The following ABCB8 variants were observed in gnomAD, a reference collection of about 807,000 sequenced individuals.
ABCB8 encodes the protein mitochondrial potassium channel ATP-binding subunit.
Under a neutral mutation model 73.0 loss-of-function variants are expected in ABCB8, and 52 were observed. The observed-to-expected ratio is 0.71, with a 90% confidence interval of 0.57 to 0.90. The LOEUF (loss-of-function observed/expected upper bound fraction) is 0.90, where lower values mean the gene tolerates loss of function less well. ABCB8 is among the 40% of genes least tolerant of loss of function. The pLI is 0.00. For synonymous variants in ABCB8, 428 were observed against 423.5 expected, an observed-to-expected ratio of 1.01 and a Z score of -0.13; for missense variants, 909 against 974.6, an observed-to-expected ratio of 0.93 and a Z score of 0.90.
intron 14 of ABCB8, 56 bp downstream of exon 14, chr7:151,042,164 C>T (rs1796486284): frequency 6.2e-7 from 1 of 1,600,596 alleles, no homozygotes; most frequent in Non-Finnish European, 8.5e-7. Context: ...CACAGGATTC[C>T]ACAGGAGCAG....
intron 8 of ABCB8, 46 bp downstream of exon 8, chr7:151,036,216 A>C (rs781358894): frequency 6.5e-7 from 1 of 1,541,942 alleles, no homozygotes; most frequent in Non-Finnish European, 8.8e-7. Flanking sequence ...TGGGCTGGGG[A>C]GGAGCTGGGA....
At chr7:151,044,472 G>A (rs1796561900) in intron 15 of ABCB8, among the ~76,000 whole-genome samples, 1 of 152,112 alleles carries the variant, frequency 6.6e-6, no homozygotes, top group South Asian at 2.1e-4. Flanking sequence ...GGATCAAAAG[G>A]AAAAGTACTA....
rs761678863 is a variant in ABCB8, at chr7:151,045,238, A to AGGCG, written c.2050_2053dup (p.Leu685ArgfsTer41). 3 of 1,593,478 alleles carry AGGCG rather than the reference A, an allele frequency of 1.9e-6. No homozygotes were observed. The highest frequency in any genetic ancestry group is 2.6e-6 in the Non-Finnish European group (3 of 1,169,024). ...GGACACATGAAGAGCTCCTGAAGAA[A>AGGCG]GGCGGGCTATACGCCGAGCTCATCC... is the stretch of plus-strand genomic sequence containing the variant. On this transcript the variant is annotated frameshift_variant, in exon 16 of 16. Coordinates refer to ENST00000358849, the MANE Select transcript of ABCB8 (RefSeq NM_007188.5). LOFTEE classifies it low-confidence loss of function (END_TRUNC).
chr7:151,037,560 T>C (rs770665272), intron 9 of ABCB8: 33 of 548,326 alleles, frequency 6.0e-5, no homozygotes, highest in Non-Finnish European at 1.1e-4. Context: ...TGGTAAATAA[T>C]GAGATAGTAA....
Position 151,040,855 on chromosome 7 carries a change from G to C in ABCB8, c.1416G>C (p.Val472=). ...FSYPCRPGFE[V]LKDFTLTLPP... ...ACCCCTGCCGCCCCGGCTTCGAGGT[G>C]CTGAAAGACTTCACCCTGACGCTGC... The change falls in exon 12 of 16, where the codon GTG becomes GTC. Residue 472 remains valine (V), a synonymous_variant. Transcript: ENST00000358849. The C allele has an allele frequency of 1.2e-6, 2 of 1,602,222 alleles. No individual in the cohort carries two copies. Among genetic ancestry groups the C allele is most frequent in the East Asian group, 4.5e-5 (2 of 44,264 alleles).
chr7:151,031,518 C>G, intron 1 of ABCB8: 1 of 491,488 alleles, frequency 2.0e-6, no homozygotes. Flanking sequence ...TTAAACCTTT[C>G]CCCATCAGTA....
chr7:151,033,748 G>T lies in ABCB8; in HGVS notation c.239G>T (p.Gly80Val), dbSNP rs1796227739. Residue 80 changes from glycine to valine, a missense_variant, in exon 2 of 16, where the codon GGC (glycine) becomes GTC (valine). Gly to Val is a moderately radical substitution (Grantham distance 109). Coordinates refer to ENST00000358849, the MANE Select transcript of ABCB8 (RefSeq NM_007188.5). Reference protein sequence around the residue: ...AWCWVGGALLGPMVLSKHPHL... With the variant: ...AWCWVGGALLVPMVLSKHPHL... ...TGCTGGGTTGGGGGAGCCCTGCTAG[G>T]CCCCATGGTACTGAGTAAGCATCCC... is the stretch of plus-strand genomic sequence containing the variant. The T allele has an allele frequency of 6.2e-7, 1 of 1,613,866 alleles. No individual in the cohort carries two copies.
chr7:151,031,867 G>T (rs1796174120), intron 1 of ABCB8, among the ~76,000 whole-genome samples: 1 of 152,142 alleles, frequency 6.6e-6, no homozygotes, highest in Admixed American at 6.5e-5. Flanking sequence ...ACCCGCCTCA[G>T]CCTCCCAAAG....
rs763803752 is a variant in ABCB8, at chr7:151,034,565, G to T, written c.625G>T (p.Asp209Tyr). ...CCACGTTGGCGAGCGCATGGCTGTG[G>T]ACATGCGGAGGGCCCTCTTCAGCTC... The part of the protein sequence containing the change: ...LSHVGERMAV[D>Y]MRRALFSSLL... The change falls in exon 4 of 16, where the codon GAC becomes TAC. Residue 209 changes from aspartate (D) to tyrosine (Y), a missense_variant. By Grantham distance (160) the Asp-to-Tyr change is radical (BLOSUM62 -3). Transcript: ENST00000358849. The T allele has an allele frequency of 1.2e-6, 2 of 1,613,678 alleles. No homozygotes were observed. Among genetic ancestry groups the T allele is most frequent in the Admixed American group, 3.3e-5 (2 of 60,026 alleles).
rs754202586 is a variant in ABCB8, at chr7:151,045,390, T to G, written c.*41T>G. 6.8e-7 allele frequency: 1 copy of G among 1,467,062 alleles called. No individual in the cohort carries two copies. The highest frequency in any genetic ancestry group is 1.4e-5 in the South Asian group (1 of 70,242). 90.9% of individuals were successfully genotyped at this position (1,467,062 alleles called of 1,614,324 possible). On this transcript the variant is annotated 3_prime_UTR_variant, in exon 16 of 16. Transcript: ENST00000358849. ...GTGTGGTCGCTGCCAAGCATCAGTG[T>G]TAGGGCTGGGGCTCAGCCTGGGGGA...
At chr7:151,034,972 GGT>G in intron 5 of ABCB8, 143 bp downstream of exon 5, 1 of 707,946 alleles carries the variant, frequency 1.4e-6, no homozygotes. Flanking sequence ...TGAGGGCATG[GGT>G]GAGGGACCAT....
At position 151,040,480 on chromosome 7, in the gene ABCB8, T is replaced by A. The variant is rs1387384481; in HGVS notation, c.1252-18T>A. ...CCCTACTCCTGCCTCCCTGCGGACT[T>A]TGGATCCCCTCCCACAGGTGGTCCG... is the stretch of plus-strand genomic sequence containing the variant. On this transcript the variant is annotated intron_variant, in intron 10 of 15. Transcript: ENST00000358849. 1 of 1,602,754 alleles carries A rather than the reference T, an allele frequency of 6.2e-7. No homozygotes were observed. Among genetic ancestry groups the A allele is most frequent in the Non-Finnish European group, 8.5e-7 (1 of 1,172,600 alleles).
intron 1 of ABCB8, among the ~76,000 whole-genome samples, chr7:151,031,043 G>A (rs1796147972): frequency 6.6e-6 from 1 of 152,208 alleles, no homozygotes; most frequent in African/African-American, 2.4e-5. Context: ...ATTGTACTGG[G>A]TTGCAAGTAA....
intron 9 of ABCB8, chr7:151,039,942 C>T (rs1011426554): frequency 3.1e-6 from 1 of 327,088 alleles, no homozygotes; most frequent in Non-Finnish European, 5.7e-6. Flanking sequence ...ACAGGCCTCA[C>T]CCTGCAGACC....
chr7:151,044,281 C>T (rs1374157982), intron 15 of ABCB8, 60 bp downstream of exon 15: 4 of 1,564,858 alleles, frequency 2.6e-6, no homozygotes, highest in Non-Finnish European at 3.5e-6. Context: ...CGGACAGTGG[C>T]ACAATGCTGC....
rs529104149 is a variant in ABCB8 at position 151,041,368 on chromosome 7, C to T, written c.1617+136C>T. 2.9e-5 allele frequency: 36 copies of T among 1,230,228 alleles called. No individual in the cohort carries two copies. In the East Asian group the frequency reaches 9.3e-4, roughly 32 times the overall value. 76.2% of individuals were successfully genotyped at this position (1,230,228 alleles called of 1,614,324 possible). A position where few individuals can be genotyped will look rare whatever the true frequency, so the allele number is the denominator to read the frequency against. ...TCTCGGGAGACCCTGGCCGTCTTCA[C>T]ATGTCCTCAGCTGTTGTCTGGGTGA... On this transcript the variant is annotated intron_variant, in intron 13 of 15. Coordinates refer to ENST00000358849, the MANE Select transcript of ABCB8 (RefSeq NM_007188.5).
In ABCB8 at chr7:151,044,869, C is replaced by T. The variant is rs140033039; in HGVS notation, c.2017-340C>T. Reference sequence around the variant, plus strand: ...TGTGCAGGGAGTCAGGAGTAGGACCCCAGAGGCCGTGTGGCGTTGGCTAAC... The same window carrying T: ...TGTGCAGGGAGTCAGGAGTAGGACCTCAGAGGCCGTGTGGCGTTGGCTAAC... On this transcript the variant is annotated intron_variant, in intron 15 of 15. Coordinates refer to ENST00000358849, the MANE Select transcript of ABCB8 (RefSeq NM_007188.5). 4.5e-4 allele frequency among the ~76,000 whole-genome samples: 68 copies of T among 152,312 alleles called. No homozygotes were observed. The South Asian group carries it at 5.6e-3, about 13-fold the overall frequency.
In ABCB8 at chr7:151,034,845, G is replaced by GC. The variant is rs1023870974; in HGVS notation, c.765+21dup. On this transcript the variant is annotated intron_variant, in intron 5 of 15. Coordinates refer to ENST00000358849, the MANE Select transcript of ABCB8 (RefSeq NM_007188.5). ...CATCTCCCAGGTCAGTGGCCCAGTG[G>GC]CCCCCACCACGTCCACACACACACT... 2.5e-6 allele frequency: 4 copies of GC among 1,601,164 alleles called. No individual in the cohort carries two copies. The highest frequency in any genetic ancestry group is 3.4e-6 in the Non-Finnish European group (4 of 1,169,970).
intron 9 of ABCB8, chr7:151,037,099 C>A: frequency 1.4e-6 from 1 of 700,098 alleles, no homozygotes; most frequent in South Asian, 1.5e-5. Flanking sequence ...CATGGGAATC[C>A]CCATTTGCCC....
Sources: gnomAD v4.1 joint callset for allele counts (sites outside exome capture counted in the v4.1 genomes callset) on GRCh38, gnomAD v4.1.1 for gene constraint, MANE v1.5 for transcripts, NCBI Gene and HGNC (gene_info 2026-07-23, HGNC 2026-07-21) for gene names.